APBA1: variants seen among roughly 807,000 people sequenced by gnomAD.
The protein encoded by APBA1 is amyloid-beta A4 precursor protein-binding family A member 1.
Under a neutral mutation model 86.6 loss-of-function variants are expected in APBA1, and 55 were observed. The observed-to-expected ratio is 0.64, with a 90% CI of 0.51 to 0.80. APBA1 has a LOEUF of 0.80. Ranked by LOEUF, APBA1 falls within the 30% of genes least tolerant of loss-of-function variation. The pLI is 0.00. For missense variants in APBA1, 1,090 were observed against 1,183.0 expected, an observed-to-expected ratio of 0.92 and a Z score of 1.15; for synonymous variants, 511 against 493.9, an observed-to-expected ratio of 1.03 and a Z score of -0.46.
chr9:69,591,412 C>T (rs1822126224), intron 1 of APBA1, among the ~76,000 whole-genome samples: 1 of 152,204 alleles, frequency 6.6e-6, no homozygotes, highest in Non-Finnish European at 1.5e-5. Flanking sequence ...ATTAAGTACA[C>T]ATCTGAAAGC....
At chr9:69,657,091 C>T (rs556975273) in intron 1 of APBA1, among the ~76,000 whole-genome samples, 25 of 151,750 alleles carry the variant, frequency 1.6e-4, no homozygotes, top group Admixed American at 1.6e-3. Context: ...ATGATCCACC[C>T]GCCTCGGCCT....
intron 2 of APBA1, among the ~76,000 whole-genome samples, chr9:69,489,649 C>G (rs1407433074): frequency 1.3e-5 from 2 of 152,064 alleles, no homozygotes; most frequent in Non-Finnish European, 2.9e-5. Context: ...ACAACCCCAT[C>G]AAAAAGTGGG....
At chr9:69,452,389 C>G in intron 8 of APBA1, 88 bp from the exon 9 acceptor site, 1 of 1,317,944 alleles carries the variant, frequency 7.6e-7, no homozygotes, top group Non-Finnish European at 1.1e-6. Context: ...AACAATGGCC[C>G]TCCTGGAGTC....
Position 69,476,128 on chromosome 9 carries a change from T to A in APBA1, c.1216A>T (p.Ser406Cys). 6.2e-7 allele frequency: 1 copy of A among 1,613,700 alleles called. No individual in the cohort carries two copies. Among genetic ancestry groups the A allele is most frequent in the Non-Finnish European group, 8.5e-7 (1 of 1,179,838 alleles). The change falls in exon 3 of 13, where the codon AGC becomes TGC. Residue 406 changes from serine (S) to cysteine (C), a missense_variant. Coordinates refer to ENST00000265381, the MANE Select transcript of APBA1 (RefSeq NM_001163.4). ...GACTCTGCACCCAAGGGGGAGGAGC[T>A]GCCAGGAGACGGAGACTAGAACACA... Reference protein sequence around the residue: ...PMDGDSPSPGSSSPLGAESSS... With the variant: ...PMDGDSPSPGCSSPLGAESSS...
intron 1 of APBA1, among the ~76,000 whole-genome samples, chr9:69,619,277 A>C (rs1472501169): frequency 6.6e-6 from 1 of 152,220 alleles, no homozygotes; most frequent in Non-Finnish European, 1.5e-5. Flanking sequence ...ATTACTTTGA[A>C]AACACACTCT....
chr9:69,498,424 T>C lies in APBA1; in HGVS notation c.1200+17587A>G, dbSNP rs540960809. ...ACCCTAATGGAGAGAAACTGTGAGATAGTCAAGGAAGGTTGTTTTATGCCA... is the reference window on the plus strand; with the variant it reads ...ACCCTAATGGAGAGAAACTGTGAGACAGTCAAGGAAGGTTGTTTTATGCCA... On this transcript the variant is annotated intron_variant, in intron 2 of 12. Coordinates refer to ENST00000265381, the MANE Select transcript of APBA1 (RefSeq NM_001163.4). Among the ~76,000 whole-genome samples the C allele has an allele frequency of 7.2e-5, 11 of 152,224 alleles. No individual in the cohort carries two copies. In the East Asian group the frequency reaches 9.7e-4, roughly 13 times the overall value.
At position 69,443,132 on chromosome 9, in the gene APBA1, A is replaced by ACAG. The variant is rs528900511; in HGVS notation, c.2182-2020_2182-2018dup. ...TACACCAATGGCTCTTAAACCCCAC[A>ACAG]CAGCAGCAGCAGCAGCCCCTGGCCA... On this transcript the variant is annotated intron_variant, in intron 10 of 12. Coordinates refer to ENST00000265381, the MANE Select transcript of APBA1 (RefSeq NM_001163.4). Among the ~76,000 whole-genome samples, 87 of 152,188 alleles carry ACAG rather than the reference A, an allele frequency of 5.7e-4. 3 individuals carry two copies. The South Asian group carries it at 0.017, about 29-fold the overall frequency.
intron 1 of APBA1, among the ~76,000 whole-genome samples, chr9:69,521,096 T>C (rs1836244591): frequency 6.6e-6 from 1 of 152,188 alleles, no homozygotes; most frequent in Non-Finnish European, 1.5e-5. Context: ...GTACTGCCAT[T>C]ATCAGCTCTT....
intron 2 of APBA1, among the ~76,000 whole-genome samples, chr9:69,494,136 C>T (rs528490213): frequency 6.6e-6 from 1 of 152,122 alleles, no homozygotes; most frequent in South Asian, 2.1e-4. Flanking sequence ...ATTGTAGGGG[C>T]ATAATTATGT....
At chr9:69,437,094 T>G (rs1489277495) in intron 11 of APBA1, among the ~76,000 whole-genome samples, 2 of 151,934 alleles carry the variant, frequency 1.3e-5, no homozygotes, top group Non-Finnish European at 2.9e-5. Context: ...GATTTTTGTA[T>G]GTTGAACCAG....
intron 1 of APBA1, among the ~76,000 whole-genome samples, chr9:69,641,229 A>T (rs1433643705): frequency 6.6e-6 from 1 of 152,188 alleles, no homozygotes; most frequent in African/African-American, 2.4e-5. Context: ...CTTAGGAAAA[A>T]AAACATTGCT....
rs1834583094 is a variant in APBA1 at position 69,431,096 on chromosome 9, T to C, written c.*231A>G. The C allele has an allele frequency of 2.2e-6, 1 of 458,048 alleles. No homozygotes were observed. Among genetic ancestry groups the C allele is most frequent in the Admixed American group, 4.5e-5 (1 of 22,396 alleles). The allele number at this position is 458,048 out of a possible 1,614,324, so 28.4% of individuals were successfully genotyped here. A position where few individuals can be genotyped will look rare whatever the true frequency, so the allele number is the denominator to read the frequency against. On this transcript the variant is annotated 3_prime_UTR_variant, in exon 13 of 13. Transcript: ENST00000265381. ...GGGTCAGTACCAGGTGGGTGCTGGC[T>C]GCTCTCCATCCTCAAGGGAGTGCAT...
Position 69,432,527 on chromosome 9 carries a change from C to T in APBA1, c.2442+9G>A. ...CTCAGCACCACCCTCAGCCCCGGACCTCTCCTACCTCCCCAACAGCATTGG... is the reference window on the plus strand; with the variant it reads ...CTCAGCACCACCCTCAGCCCCGGACTTCTCCTACCTCCCCAACAGCATTGG... On this transcript the variant is annotated intron_variant, in intron 12 of 12. Transcript: ENST00000265381. 1.1e-5 allele frequency: 17 copies of T among 1,530,180 alleles called. No individual in the cohort carries two copies. The highest frequency in any genetic ancestry group is 1.5e-5 in the Non-Finnish European group (17 of 1,135,094). The allele number at this position is 1,530,180 out of a possible 1,614,324, so 94.8% of individuals were successfully genotyped here.
chr9:69,574,686 T>G (rs529956392), intron 1 of APBA1, among the ~76,000 whole-genome samples: 1 of 152,262 alleles, frequency 6.6e-6, no homozygotes, highest in Admixed American at 6.5e-5. Context: ...CAAGTAGTTT[T>G]TTGAAACATG....
chr9:69,627,204 A>C (rs1822950575), intron 1 of APBA1, among the ~76,000 whole-genome samples: 1 of 152,058 alleles, frequency 6.6e-6, no homozygotes, highest in Admixed American at 6.6e-5. Flanking sequence ...ATACCCAAAA[A>C]ATTACACTGT....
At chr9:69,608,390 C>A (rs981799234) in intron 1 of APBA1, among the ~76,000 whole-genome samples, 1 of 152,102 alleles carries the variant, frequency 6.6e-6, no homozygotes, top group African/African-American at 2.4e-5. Context: ...ATACCATCAT[C>A]AAATTACTCA....
At chr9:69,482,406 A>C (rs1378422842) in intron 2 of APBA1, among the ~76,000 whole-genome samples, 1 of 151,680 alleles carries the variant, frequency 6.6e-6, no homozygotes, top group Admixed American at 6.6e-5. Context: ...AGAAATGCAA[A>C]TCAAAACCAC....
chr9:69,513,740 C>A (rs1054209581), intron 2 of APBA1, among the ~76,000 whole-genome samples: 2 of 152,198 alleles, frequency 1.3e-5, no homozygotes, highest in African/African-American at 2.4e-5. Flanking sequence ...CTTTCCTAAT[C>A]GGCTAACAGA....
intron 1 of APBA1, among the ~76,000 whole-genome samples, chr9:69,577,496 T>C (rs1821826604): frequency 6.6e-6 from 1 of 152,132 alleles, no homozygotes. Context: ...CACCATTGAA[T>C]AGATGGCCAA....
Sources: gnomAD v4.1 joint callset for allele counts (sites outside exome capture counted in the v4.1 genomes callset) on GRCh38, gnomAD v4.1.1 for gene constraint, MANE v1.5 for transcripts, NCBI Gene and HGNC (gene_info 2026-07-23, HGNC 2026-07-21) for gene names.